Variants in EXOSC1 observed in about 807,000 individuals in gnomAD.
The protein encoded by EXOSC1 is exosome complex component CSL4.
EXOSC1 carries 27 observed loss-of-function variants against 31.4 expected under a neutral mutation model. That is an observed-to-expected ratio of 0.86 (90% CI 0.63 to 1.18). EXOSC1 has a LOEUF of 1.18. Ranked by LOEUF, EXOSC1 falls within the 50% of genes most tolerant of loss-of-function variation. The pLI, the probability that EXOSC1 is intolerant of heterozygous loss-of-function variation, is 0.00. For missense variants in EXOSC1, 228 were observed against 250.3 expected (o/e 0.91, Z 0.60); for synonymous variants, 84 against 89.5 (o/e 0.94, Z 0.35).
intron 3 of EXOSC1, among the ~76,000 whole-genome samples, chr10:97,442,665 T>C (rs1253506874): frequency 6.6e-6 from 1 of 152,144 alleles, no homozygotes; most frequent in Non-Finnish European, 1.5e-5. Flanking sequence ...TGTGCTACCA[T>C]GCCTGGCTAA....
At position 97,441,221 on chromosome 10, in the gene EXOSC1, G is replaced by C. The variant is rs1210166323; in HGVS notation, c.261C>G (p.Ile87Met). 6.2e-7 allele frequency: 1 copy of C among 1,614,140 alleles called. No homozygotes were observed. Among genetic ancestry groups the C allele is most frequent in the East Asian group, 2.2e-5 (1 of 44,884 alleles). Residue 87 changes from isoleucine (I) to methionine (M), a missense_variant, in exon 4 of 8, where the codon ATC becomes ATG. Ile to Met is a conservative substitution (Grantham distance 10). Transcript: ENST00000370902. ...SINSRFAKVH[I>M]LYVGSMPLKN... is the part of the protein sequence containing the mutation. ...TAAGAGGCATGGACCCCACATACAG[G>C]ATGTGTACTTTGGCAAAGCGTGAAT...
intron 5 of EXOSC1, among the ~76,000 whole-genome samples, 175 bp from the exon 6 acceptor site, chr10:97,437,925 A>AT (rs938142688): frequency 1.9e-4 from 28 of 148,288 alleles, no homozygotes; most frequent in Admixed American, 3.4e-4. Context: ...ACAAATGAAA[A>AT]TTTTTTTTTT....
chr10:97,436,148 T>G lies in EXOSC1; in HGVS notation c.*297A>C, dbSNP rs1313590515. ...GACAACAGACTCTATAACATCCTTT[T>G]AGTAAAAAAGTTTTATCATAGCAAA... is the stretch of plus-strand genomic sequence containing the variant. On this transcript the variant is annotated 3_prime_UTR_variant, in exon 8 of 8. Coordinates refer to ENST00000370902, the MANE Select transcript of EXOSC1 (RefSeq NM_016046.5). The G allele has an allele frequency of 3.2e-6, 1 of 314,724 alleles. No individual in the cohort carries two copies. The highest frequency in any genetic ancestry group is 5.9e-6 in the Non-Finnish European group (1 of 168,398). 19.5% of individuals were successfully genotyped at this position (314,724 alleles called of 1,614,324 possible).
chr10:97,436,549 T>C lies in EXOSC1; in HGVS notation c.484A>G (p.Ile162Val), dbSNP rs1291347599. The C allele has an allele frequency of 1.3e-6, 2 of 1,593,054 alleles. No individual in the cohort carries two copies. Among genetic ancestry groups the C allele is most frequent in the Non-Finnish European group, 1.7e-6 (2 of 1,174,086 alleles). ...CACCAGCTGATGGGAACCATCTGGA[T>C]ACCTGGAAGGGAAAAGCTGGTGGTG... is the stretch of plus-strand genomic sequence containing the variant. ...GVVVAHSESG[I>V]QMVPISWCEM... The change falls in exon 8 of 8, where the codon ATC (isoleucine) becomes GTC (valine). Residue 162 changes from isoleucine to valine, a missense_variant and splice_region_variant. Transcript: ENST00000370902.
chr10:97,445,576 T>A, intron 2 of EXOSC1, 156 bp downstream of exon 2: 1 of 663,302 alleles, frequency 1.5e-6, no homozygotes, highest in Non-Finnish European at 2.5e-6. Context: ...GGTGGCTAAG[T>A]GCACCACAGC....
intron 1 of EXOSC1, 21 bp downstream of exon 1, chr10:97,445,932 CTG>C (rs1564793221): frequency 6.2e-7 from 1 of 1,614,124 alleles, no homozygotes; most frequent in Admixed American, 1.7e-5. Flanking sequence ...ATCCAGGACT[CTG>C]TACGGGAAGC....
intron 3 of EXOSC1, among the ~76,000 whole-genome samples, chr10:97,441,795 T>G (rs1057360952): frequency 2.0e-5 from 3 of 149,564 alleles, no homozygotes; most frequent in African/African-American, 7.3e-5. Context: ...CGGCTGGGTT[T>G]TTTTTTTTTT....
In EXOSC1 at chr10:97,436,538, A is replaced by G. The variant is rs1460649469; in HGVS notation, c.495T>C (p.Val165=). ...ACTGCATCTCACACCAGCTGATGGG[A>G]ACCATCTGGATACCTGGAAGGGAAA... The part of the protein sequence containing the change: ...VAHSESGIQM[V]PISWCEMQCP... Residue 165 remains valine (V), a synonymous_variant, in exon 8 of 8, where the codon GTT becomes GTC. Transcript: ENST00000370902. The G allele has an allele frequency of 9.4e-6, 15 of 1,603,820 alleles. No homozygotes were observed. The highest frequency in any genetic ancestry group is 1.8e-5 in the Admixed American group (1 of 56,820).
In EXOSC1 at chr10:97,440,517, T is replaced by C. The variant is rs1392068352; in HGVS notation, c.311+654A>G. Reference sequence around the variant, plus strand: ...GCACGCACCACCATGCCCAGCTAATTTTTTTTTTTTTTTTTTTTAAAGACA... The same window carrying C: ...GCACGCACCACCATGCCCAGCTAATCTTTTTTTTTTTTTTTTTTAAAGACA... On this transcript the variant is annotated intron_variant, in intron 4 of 7. Coordinates refer to ENST00000370902, the MANE Select transcript of EXOSC1 (RefSeq NM_016046.5). Among the ~76,000 whole-genome samples, 9 of 124,784 alleles carry C rather than the reference T, an allele frequency of 7.2e-5. No homozygotes were observed. The East Asian group carries it at 2.2e-3, about 30-fold the overall frequency. 81.9% of individuals were successfully genotyped at this position (124,784 alleles called of 152,430 possible).
chr10:97,442,997 G>A (rs751744505), intron 3 of EXOSC1, among the ~76,000 whole-genome samples: 5 of 151,882 alleles, frequency 3.3e-5, no homozygotes, highest in African/African-American at 2.4e-5. Flanking sequence ...GGCAATTTTT[G>A]ATTCTTTTTG....
intron 2 of EXOSC1, among the ~76,000 whole-genome samples, chr10:97,443,524 T>G (rs985992624): frequency 6.6e-6 from 1 of 152,184 alleles, no homozygotes; most frequent in Non-Finnish European, 1.5e-5. Context: ...ATCTCTAAAC[T>G]TCTTTTTTTG....
At position 97,441,222 on chromosome 10, in the gene EXOSC1, A is replaced by T. The variant is rs771903794; in HGVS notation, c.260T>A (p.Ile87Asn). 6.2e-7 allele frequency: 1 copy of T among 1,614,004 alleles called. No individual in the cohort carries two copies. Among genetic ancestry groups the T allele is most frequent in the Non-Finnish European group, 8.5e-7 (1 of 1,179,996 alleles). Reference sequence around the variant, plus strand: ...AAGAGGCATGGACCCCACATACAGGATGTGTACTTTGGCAAAGCGTGAATT... The same window carrying T: ...AAGAGGCATGGACCCCACATACAGGTTGTGTACTTTGGCAAAGCGTGAATT... ...SINSRFAKVH[I>N]LYVGSMPLKN... The change falls in exon 4 of 8, where the codon ATC becomes AAC. Residue 87 changes from isoleucine to asparagine, a missense_variant. By Grantham distance (149) the Ile-to-Asn change is moderately radical. Transcript: ENST00000370902.
In EXOSC1 at chr10:97,436,125, C is replaced by A. The variant is rs1197325940; in HGVS notation, c.*320G>T. ...TTTAGATGTCTTTCTCTGCTTAAGA[C>A]AACAGACTCTATAACATCCTTTTAG... is the stretch of plus-strand genomic sequence containing the variant. On this transcript the variant is annotated 3_prime_UTR_variant, in exon 8 of 8. Coordinates refer to ENST00000370902, the MANE Select transcript of EXOSC1 (RefSeq NM_016046.5). 3.4e-6 allele frequency: 1 copy of A among 294,682 alleles called. No individual in the cohort carries two copies. The highest frequency in any genetic ancestry group is 2.3e-5 in the African/African-American group (1 of 43,218). The allele number at this position is 294,682 out of a possible 1,614,324, so 18.3% of individuals were successfully genotyped here.
chr10:97,439,219 C>T (rs961984413), intron 4 of EXOSC1, among the ~76,000 whole-genome samples: 3 of 152,154 alleles, frequency 2.0e-5, no homozygotes, highest in African/African-American at 7.2e-5. Flanking sequence ...AAAGGCAGAT[C>T]GGATTTGGCA....
At chr10:97,439,674 G>C (rs1461629738) in intron 4 of EXOSC1, among the ~76,000 whole-genome samples, 1 of 152,146 alleles carries the variant, frequency 6.6e-6, no homozygotes, top group African/African-American at 2.4e-5. Flanking sequence ...CACCATAAAT[G>C]TAATGCACTT....
At chr10:97,437,325 C>T in intron 6 of EXOSC1, 50 bp from the exon 7 acceptor site, 2 of 1,385,378 alleles carry the variant, frequency 1.4e-6, no homozygotes, top group East Asian at 2.3e-5. Flanking sequence ...AAGTCTTCCC[C>T]CACCTTAGCC....
chr10:97,438,139 G>A (rs1184195877), intron 5 of EXOSC1, among the ~76,000 whole-genome samples: 1 of 152,042 alleles, frequency 6.6e-6, no homozygotes, highest in Non-Finnish European at 1.5e-5. Context: ...GGCTGGTCTT[G>A]AACTCCTGAC....
In EXOSC1 at chr10:97,437,224, C is replaced by T. The variant is rs75087139; in HGVS notation, c.448G>A (p.Glu150Lys). 1.2e-6 allele frequency: 2 copies of T among 1,614,000 alleles called. No individual in the cohort carries two copies. Among genetic ancestry groups the T allele is most frequent in the Non-Finnish European group, 1.7e-6 (2 of 1,180,018 alleles). Residue 150 changes from glutamate to lysine, a missense_variant, in exon 7 of 8, where the codon GAG (glutamate) becomes AAG (lysine). Coordinates refer to ENST00000370902, the MANE Select transcript of EXOSC1 (RefSeq NM_016046.5). ...CTGTGGGCTACCACCACTCCCAGCT[C>T]GTTCTCGGCGGTGGTTAGCAGGTAG... Reference protein sequence around the residue: ...SNYLLTTAENELGVVVAHSES... With the variant: ...SNYLLTTAENKLGVVVAHSES...
intron 5 of EXOSC1, among the ~76,000 whole-genome samples, chr10:97,438,184 T>C (rs1564787172): frequency 1.3e-5 from 2 of 152,136 alleles, no homozygotes; most frequent in African/African-American, 4.8e-5. Context: ...CCCAAAGAGC[T>C]GGGATTACAG....
Sources: gnomAD v4.1 joint callset for allele counts (sites outside exome capture counted in the v4.1 genomes callset) on GRCh38, gnomAD v4.1.1 for gene constraint, MANE v1.5 for transcripts, NCBI Gene and HGNC (gene_info 2026-07-23, HGNC 2026-07-21) for gene names.